The following RPUSD2 variants were observed in gnomAD, a reference collection of about 807,000 sequenced individuals.
RPUSD2 encodes RNA pseudouridine synthase domain containing 2, also known as pseudouridylate synthase RPUSD2.
A neutral mutation model predicts 41.5 loss-of-function variants in RPUSD2; 31 were observed. The observed-to-expected ratio is 0.75, with a 90% CI of 0.56 to 1.01. The LOEUF (loss-of-function observed/expected upper bound fraction) is 1.01. Ranked by LOEUF, RPUSD2 falls within the 50% of genes least tolerant of loss-of-function variation. The pLI is 0.00. For synonymous variants in RPUSD2, 305 were observed against 289.7 expected (o/e 1.05, Z -0.54); for missense variants, 749 against 724.7 (o/e 1.03, Z -0.38).
chr15:40,569,771 ATTAC>A lies in RPUSD2; in HGVS notation c.437_440del (p.Tyr146LeufsTer80), dbSNP rs1173669226. 4 of 1,611,328 alleles carry A rather than the reference ATTAC, an allele frequency of 2.5e-6. No individual in the cohort carries two copies. In the Admixed American group the frequency reaches 6.7e-5, roughly 27 times the overall value. On this transcript the variant is annotated frameshift_variant, in exon 1 of 3. Transcript: ENST00000315616. LOFTEE classifies it high-confidence loss of function. ...GGCGGCCTGCGTAAGGTGCGGCCCT[ATTAC>A]TTTGACTTCCGGACCTACTGCAAAG...
rs1436747069 is a variant in RPUSD2, at chr15:40,574,573, T to C, written c.*312T>C. ...GCACAGTGGCTCATGGCTATAATCC[T>C]AGTACTTTGGGAGGTAGAAGTGAAA... On this transcript the variant is annotated 3_prime_UTR_variant, in exon 3 of 3. Transcript: ENST00000315616. 3 of 212,930 alleles carry C rather than the reference T, an allele frequency of 1.4e-5. No individual in the cohort carries two copies. The highest frequency in any genetic ancestry group is 7.0e-5 in the African/African-American group (3 of 42,964). 13.2% of individuals were successfully genotyped at this position (212,930 alleles called of 1,614,324 possible). A position where few individuals can be genotyped will look rare whatever the true frequency, so the allele number is the denominator to read the frequency against.
Position 40,574,177 on chromosome 15 carries a change from A to C in RPUSD2, c.1554A>C (p.Leu518=). ...DPLPQDLVMF[L]HALRYKGPGF... is the part of the protein sequence containing the mutation. ...TGCCCCAAGACCTTGTGATGTTCCTACATGCCCTACGCTATAAAGGGCCAG... is the reference window on the plus strand; with the variant it reads ...TGCCCCAAGACCTTGTGATGTTCCTCCATGCCCTACGCTATAAAGGGCCAG... Residue 518 remains leucine (L), a synonymous_variant, in exon 3 of 3, where the codon CTA becomes CTC. Coordinates refer to ENST00000315616, the MANE Select transcript of RPUSD2 (RefSeq NM_152260.3). 1 of 1,614,066 alleles carries C rather than the reference A, an allele frequency of 6.2e-7. No homozygotes were observed. The highest frequency in any genetic ancestry group is 8.5e-7 in the Non-Finnish European group (1 of 1,180,022).
In RPUSD2 at chr15:40,573,748, C is replaced by G. The variant is rs1034992926; in HGVS notation, c.1125C>G (p.His375Gln). ...LTGRTHQIRV[H>Q]LQFLGHPILN... ...GCCGCACACACCAGATTCGAGTCCA[C>G]CTTCAGTTCTTGGGCCATCCCATTC... The change falls in exon 3 of 3, where the codon CAC becomes CAG. Residue 375 changes from histidine (H) to glutamine (Q), a missense_variant. By Grantham distance (24) the His-to-Gln change is conservative. Coordinates refer to ENST00000315616, the MANE Select transcript of RPUSD2 (RefSeq NM_152260.3). The G allele has an allele frequency of 1.2e-6, 2 of 1,614,102 alleles. No individual in the cohort carries two copies. The highest frequency in any genetic ancestry group is 2.7e-5 in the African/African-American group (2 of 74,924).
chr15:40,572,436 GGCACCTATAGTCCCA>G (rs1891163267), intron 2 of RPUSD2, among the ~76,000 whole-genome samples: 1 of 151,940 alleles, frequency 6.6e-6, no homozygotes, highest in South Asian at 2.1e-4. Context: ...CGTGGTGGCG[GGCACCTATAGTCCCA>G]GCTACTCGGG....
rs1315535627 is a variant in RPUSD2, at chr15:40,574,068, C to G, written c.1445C>G (p.Ser482Ter). The G allele has an allele frequency of 6.2e-7, 1 of 1,614,058 alleles. No individual in the cohort carries two copies. The highest frequency in any genetic ancestry group is 2.2e-5 in the East Asian group (1 of 44,886). The change falls in exon 3 of 3, where the codon TCA (serine) becomes TGA (stop). Residue 482 changes from serine to a stop codon, truncating the protein, a stop_gained. Transcript: ENST00000315616. LOFTEE classifies it high-confidence loss of function. ...PQELDTIALA[S>*]EKAVETDVMN... ...GAGTTGGACACAATAGCCTTGGCATCAGAGAAGGCAGTTGAAACAGATGTC... is the reference window on the plus strand; with the variant it reads ...GAGTTGGACACAATAGCCTTGGCATGAGAGAAGGCAGTTGAAACAGATGTC...
chr15:40,574,737 C>T lies in RPUSD2; in HGVS notation c.*476C>T, dbSNP rs529654836. ...CAATTTAAGATGTACAGCGTAGTCA[C>T]ATTTAGTACATTCACAGTGTTGTAC... On this transcript the variant is annotated 3_prime_UTR_variant, in exon 3 of 3. Coordinates refer to ENST00000315616, the MANE Select transcript of RPUSD2 (RefSeq NM_152260.3). 1 of 154,408 alleles carries T rather than the reference C, an allele frequency of 6.5e-6. No homozygotes were observed. The highest frequency in any genetic ancestry group is 2.4e-5 in the African/African-American group (1 of 41,416). The allele number at this position is 154,408 out of a possible 1,614,324, so 9.6% of individuals were successfully genotyped here.
intron 1 of RPUSD2, 63 bp from the exon 2 acceptor site, chr15:40,571,541 T>C: frequency 2.7e-6 from 4 of 1,474,528 alleles, no homozygotes; most frequent in Non-Finnish European, 3.7e-6. Flanking sequence ...GGAAGCTGGA[T>C]ATGAAGTTGA....
In RPUSD2 at chr15:40,574,110, A is replaced by G. The variant is rs780586084; in HGVS notation, c.1487A>G (p.Asp496Gly). 10 of 1,614,178 alleles carry G rather than the reference A, an allele frequency of 6.2e-6. No individual in the cohort carries two copies. In the South Asian group the frequency reaches 1.1e-4, roughly 18 times the overall value. ...VETDVMNQETDPLCAECRLVR... is the reference protein window; with the variant it reads ...VETDVMNQETGPLCAECRLVR... ...ACAGATGTCATGAATCAAGAGACAGACCCACTCTGTGCAGAGTGCCGGCTG... is the reference window on the plus strand; with the variant it reads ...ACAGATGTCATGAATCAAGAGACAGGCCCACTCTGTGCAGAGTGCCGGCTG... Residue 496 changes from aspartate to glycine, a missense_variant, in exon 3 of 3, where the codon GAC (aspartate) becomes GGC (glycine). Physicochemically the swap from Asp to Gly is moderately conservative, Grantham distance 94. Transcript: ENST00000315616.
rs1160022883 is a variant in RPUSD2, at chr15:40,574,095, T to G, written c.1472T>G (p.Met491Arg). ...ASEKAVETDV[M>R]NQETDPLCAE... Reference sequence around the variant, plus strand: ...GAGAAGGCAGTTGAAACAGATGTCATGAATCAAGAGACAGACCCACTCTGT... The same window carrying G: ...GAGAAGGCAGTTGAAACAGATGTCAGGAATCAAGAGACAGACCCACTCTGT... Residue 491 changes from methionine to arginine, a missense_variant, in exon 3 of 3, where the codon ATG (methionine) becomes AGG (arginine). Met to Arg is a moderately conservative substitution (Grantham distance 91, BLOSUM62 -1). Coordinates refer to ENST00000315616, the MANE Select transcript of RPUSD2 (RefSeq NM_152260.3). The G allele has an allele frequency of 5.0e-6, 8 of 1,614,026 alleles. No homozygotes were observed. Among genetic ancestry groups the G allele is most frequent in the Non-Finnish European group, 6.8e-6 (8 of 1,180,030 alleles).
rs902783123 is a variant in RPUSD2, at chr15:40,574,022, G to A, written c.1399G>A (p.Val467Ile). 5.6e-6 allele frequency: 9 copies of A among 1,614,036 alleles called. No individual in the cohort carries two copies. Among genetic ancestry groups the A allele is most frequent in the Middle Eastern group, 1.6e-4 (1 of 6,084 alleles). Residue 467 changes from valine (V) to isoleucine (I), a missense_variant, in exon 3 of 3, where the codon GTA becomes ATA. Physicochemically the swap from Val to Ile is conservative, Grantham distance 29 (BLOSUM62 3). Transcript: ENST00000315616. ...LAAAAQKMEE[V>I]AEAAPQELDT... ...TGCAGCTGCCCAGAAGATGGAGGAA[G>A]TAGCTGAGGCAGCCCCTCAGGAGTT...
chr15:40,573,638 CCCCGGGGCAAG>C lies in RPUSD2; in HGVS notation c.1019_1029del (p.Arg340LeufsTer2), dbSNP rs1891188632. The C allele has an allele frequency of 4.3e-6, 7 of 1,613,666 alleles. No homozygotes were observed. Among genetic ancestry groups the C allele is most frequent in the Non-Finnish European group, 5.1e-6 (6 of 1,179,780 alleles). Reference sequence around the variant, plus strand: ...CAAAGTAGGGGTGTGCCGTGTAGATCCCCGGGGCAAGCCCTGTGAGACAGTGTTCCAGAGGC... The same window carrying C: ...CAAAGTAGGGGTGTGCCGTGTAGATCCCCTGTGAGACAGTGTTCCAGAGGC... On this transcript the variant is annotated frameshift_variant, in exon 3 of 3. Transcript: ENST00000315616. LOFTEE classifies it high-confidence loss of function.
In RPUSD2 at chr15:40,573,978, A is replaced by G; in HGVS notation, c.1355A>G (p.Asp452Gly). The change falls in exon 3 of 3, where the codon GAC (aspartate) becomes GGC (glycine). Residue 452 changes from aspartate (D) to glycine (G), a missense_variant. By Grantham distance (94) the Asp-to-Gly change is moderately conservative. Transcript: ENST00000315616. ...STAPSSELGK[D>G]DLEELAAAAQ... Reference sequence around the variant, plus strand: ...GCCCCCTCCTCAGAGTTGGGCAAGGACGACCTGGAAGAGTTGGCTGCAGCT... The same window carrying G: ...GCCCCCTCCTCAGAGTTGGGCAAGGGCGACCTGGAAGAGTTGGCTGCAGCT... The G allele has an allele frequency of 6.2e-7, 1 of 1,614,124 alleles. No individual in the cohort carries two copies. Among genetic ancestry groups the G allele is most frequent in the Non-Finnish European group, 8.5e-7 (1 of 1,180,014 alleles).
chr15:40,569,667 C>T lies in RPUSD2; in HGVS notation c.330C>T (p.Val110=), dbSNP rs1016580173. ...GGCGGGGCGCAACCAGGGAGCGTGT[C>T]GTGCCGCCCCCGAAGAAGCGGCGGA... ...KKRRGATRER[V]VPPPKKRRTG... is the part of the protein sequence containing the mutation. Residue 110 remains valine (V), a synonymous_variant, in exon 1 of 3, where the codon GTC becomes GTT. Coordinates refer to ENST00000315616, the MANE Select transcript of RPUSD2 (RefSeq NM_152260.3). 1 of 1,550,354 alleles carries T rather than the reference C, an allele frequency of 6.5e-7. No individual in the cohort carries two copies. Among genetic ancestry groups the T allele is most frequent in the South Asian group, 1.2e-5 (1 of 82,794 alleles).
rs537006232 is a variant in RPUSD2, at chr15:40,572,824, A to C, written c.904-703A>C. Among the ~76,000 whole-genome samples the C allele has an allele frequency of 1.1e-4, 17 of 152,228 alleles. No homozygotes were observed. The East Asian group carries it at 2.9e-3, about 26-fold the overall frequency. On this transcript the variant is annotated intron_variant, in intron 2 of 2. Transcript: ENST00000315616. The stretch of plus-strand genomic sequence containing the variant: ...AGAGCCTGCTTGGTGAAAAGATTCT[A>C]GATGTAGTTGGAAAAGTCTTGGGTA...
chr15:40,570,996 A>ATTT (rs554986069), intron 1 of RPUSD2, among the ~76,000 whole-genome samples: 1 of 141,414 alleles, frequency 7.1e-6, no homozygotes, highest in African/African-American at 2.7e-5. Flanking sequence ...TTGATTATTT[A>ATTT]TTTTTTTTTT....
chr15:40,573,284 C>T lies in RPUSD2; in HGVS notation c.904-243C>T, dbSNP rs575107859. Among the ~76,000 whole-genome samples the T allele has an allele frequency of 5.9e-5, 9 of 152,286 alleles. No individual in the cohort carries two copies. The East Asian group carries it at 1.7e-3, about 29-fold the overall frequency. ...AGGTGATCCACCCACCTCAGCTTCC[C>T]AAAGTGCTGGGATTACAGGCGTGAG... On this transcript the variant is annotated intron_variant, in intron 2 of 2. Coordinates refer to ENST00000315616, the MANE Select transcript of RPUSD2 (RefSeq NM_152260.3).
rs1388314873 is a variant in RPUSD2 at position 40,569,804 on chromosome 15, G to C, written c.467G>C (p.Arg156Pro). 1 of 1,613,178 alleles carries C rather than the reference G, an allele frequency of 6.2e-7. No individual in the cohort carries two copies. Among genetic ancestry groups the C allele is most frequent in the Non-Finnish European group, 8.5e-7 (1 of 1,179,760 alleles). The change falls in exon 1 of 3, where the codon CGC (arginine) becomes CCC (proline). Residue 156 changes from arginine (R) to proline (P), a missense_variant. Arg to Pro is a moderately radical substitution (Grantham distance 103). Transcript: ENST00000315616. ...YFDFRTYCKG[R>P]WVGHSLLHVF... The stretch of plus-strand genomic sequence containing the variant: ...GACTTCCGGACCTACTGCAAAGGTC[G>C]CTGGGTGGGCCACAGCTTGCTGCAC...
Position 40,573,839 on chromosome 15 carries a change from A to C in RPUSD2, c.1216A>C (p.Lys406Gln). Residue 406 changes from lysine (K) to glutamine (Q), a missense_variant, in exon 3 of 3, where the codon AAG (lysine) becomes CAG (glutamine). By Grantham distance (53) the Lys-to-Gln change is moderately conservative. Coordinates refer to ENST00000315616, the MANE Select transcript of RPUSD2 (RefSeq NM_152260.3). The stretch of plus-strand genomic sequence containing the variant: ...TCGAGGCCGGGGCGGCTACATTCCC[A>C]AGACAAACGAGGAGTTGCTACGGGA... Reference protein sequence around the residue: ...PSRGRGGYIPKTNEELLRDLV... With the variant: ...PSRGRGGYIPQTNEELLRDLV... 1 of 1,614,124 alleles carries C rather than the reference A, an allele frequency of 6.2e-7. No individual in the cohort carries two copies.
At position 40,574,703 on chromosome 15, in the gene RPUSD2, A is replaced by G. The variant is rs1448420930; in HGVS notation, c.*442A>G. ...GAGACCCTGTCTCTTAAAAAAAAAAAAAATTAACCAATTTAAGATGTACAG... is the reference window on the plus strand; with the variant it reads ...GAGACCCTGTCTCTTAAAAAAAAAAGAAATTAACCAATTTAAGATGTACAG... On this transcript the variant is annotated 3_prime_UTR_variant, in exon 3 of 3. Transcript: ENST00000315616. 6.4e-6 allele frequency: 1 copy of G among 156,728 alleles called. No homozygotes were observed. Among genetic ancestry groups the G allele is most frequent in the African/African-American group, 2.4e-5 (1 of 41,436 alleles). 9.7% of individuals were successfully genotyped at this position (156,728 alleles called of 1,614,324 possible).
Sources: allele counts gnomAD v4.1 joint callset (sites outside exome capture counted in the v4.1 genomes callset), GRCh38; gene constraint gnomAD v4.1.1; transcripts MANE v1.5; gene names NCBI Gene and HGNC (gene_info 2026-07-23, HGNC 2026-07-21).